Variants in TMEM30A observed in about 807,000 individuals in gnomAD.
The protein encoded by TMEM30A is cell division cycle 50 P4-ATPase accessory subunit A.
TMEM30A carries 24 observed loss-of-function variants against 38.2 expected under a neutral mutation model. The observed-to-expected ratio is 0.63, with a 90% CI of 0.46 to 0.88. The LOEUF is 0.88. Ranked by LOEUF, TMEM30A falls within the 40% of genes least tolerant of loss-of-function variation. TMEM30A has a pLI of 0.00. For missense variants in TMEM30A, 370 were observed against 458.6 expected, an observed-to-expected ratio of 0.81 and a Z score of 1.77; for synonymous variants, 145 against 161.6, an observed-to-expected ratio of 0.90 and a Z score of 0.78.
rs1416093096 is a variant in TMEM30A at position 75,284,574 on chromosome 6, G to A, written c.65C>T (p.Thr22Ile). ...GTTATCCGGTCTCCGAGTCTTCGCG[G>A]TGCCCCCCGGAGCACACGGGGGCCC... ...DGGPPCAPGG[T>I]AKTRRPDNTA... Residue 22 changes from threonine (T) to isoleucine (I), a missense_variant, in exon 1 of 7, where the codon ACC becomes ATC. Physicochemically the swap from Thr to Ile is moderately conservative, Grantham distance 89. Transcript: ENST00000230461. 14 of 1,613,284 alleles carry A rather than the reference G, an allele frequency of 8.7e-6. No homozygotes were observed. Among genetic ancestry groups the A allele is most frequent in the Non-Finnish European group, 1.1e-5 (13 of 1,179,706 alleles).
chr6:75,264,638 A>AAAAAT (rs1772034219), intron 3 of TMEM30A, among the ~76,000 whole-genome samples: 1 of 151,954 alleles, frequency 6.6e-6, no homozygotes, highest in African/African-American at 2.4e-5. Context: ...TCTGTCTCAA[A>AAAAAT]AAAATAAAAT....
rs1771835078 is a variant in TMEM30A, at chr6:75,254,414, G to C, written c.*1688C>G. ...GGACTGACAAAACAGACTATTTTTAGACAAAGAACACACCAAATACTCCGA... is the reference window on the plus strand; with the variant it reads ...GGACTGACAAAACAGACTATTTTTACACAAAGAACACACCAAATACTCCGA... On this transcript the variant is annotated 3_prime_UTR_variant, in exon 7 of 7. Transcript: ENST00000230461. 1 of 151,958 alleles carries C rather than the reference G, an allele frequency of 6.6e-6. No individual in the cohort carries two copies. Among genetic ancestry groups the C allele is most frequent in the Non-Finnish European group, 1.5e-5 (1 of 67,964 alleles). 9.4% of individuals were successfully genotyped at this position (151,958 alleles called of 1,614,324 possible). A position where few individuals can be genotyped will look rare whatever the true frequency, so the allele number is the denominator to read the frequency against.
At chr6:75,257,833 G>A (rs1771889300) in intron 6 of TMEM30A, among the ~76,000 whole-genome samples, 1 of 152,138 alleles carries the variant, frequency 6.6e-6, no homozygotes, top group Non-Finnish European at 1.5e-5. Context: ...GACTCATTTG[G>A]ATTATGGAAA....
chr6:75,283,714 A>G (rs1772400545), intron 1 of TMEM30A, among the ~76,000 whole-genome samples: 1 of 152,002 alleles, frequency 6.6e-6, no homozygotes, highest in Non-Finnish European at 1.5e-5. Flanking sequence ...AGGGCACATT[A>G]ATAAACGTAG....
At chr6:75,270,390 C>A (rs1025150635) in intron 1 of TMEM30A, among the ~76,000 whole-genome samples, 1 of 152,134 alleles carries the variant, frequency 6.6e-6, no homozygotes, top group African/African-American at 2.4e-5. Context: ...GAAGCTCTAT[C>A]CCCCAGTATG....
In TMEM30A at chr6:75,284,579, C is replaced by A. The variant is rs765134451; in HGVS notation, c.60G>T (p.Gly20=). Residue 20 remains glycine, a synonymous_variant, in exon 1 of 7, where the codon GGG becomes GGT. Transcript: ENST00000230461. ...EVDGGPPCAP[G]GTAKTRRPDN... ...CCGGTCTCCGAGTCTTCGCGGTGCC[C>A]CCCGGAGCACACGGGGGCCCACCGT... 6.2e-7 allele frequency: 1 copy of A among 1,613,556 alleles called. No homozygotes were observed. The highest frequency in any genetic ancestry group is 1.3e-5 in the African/African-American group (1 of 74,944).
At chr6:75,273,335 G>C (rs1294168699) in intron 1 of TMEM30A, among the ~76,000 whole-genome samples, 1 of 152,092 alleles carries the variant, frequency 6.6e-6, no homozygotes. Flanking sequence ...ATTTCTTTCT[G>C]ACTGCCCATC....
At chr6:75,263,977 C>A in intron 3 of TMEM30A, among the ~76,000 whole-genome samples, 1 of 152,204 alleles carries the variant, frequency 6.6e-6, no homozygotes, top group East Asian at 1.9e-4. Context: ...CTAAAAAACA[C>A]ATTCAGAAAG....
At chr6:75,261,969 G>T (rs1326325541) in intron 3 of TMEM30A, among the ~76,000 whole-genome samples, 1 of 152,198 alleles carries the variant, frequency 6.6e-6, no homozygotes, top group African/African-American at 2.4e-5. Flanking sequence ...AGTTTTAAAA[G>T]AAAGGAAAAT....
chr6:75,271,310 G>A (rs240400), intron 1 of TMEM30A, among the ~76,000 whole-genome samples: 134,345 of 152,124 alleles, frequency 0.88, 59,857 homozygotes, highest in Non-Finnish European at 0.95. Flanking sequence ...TTATGCTACA[G>A]TATAAAATAT....
At chr6:75,270,390 C>T (rs1025150635) in intron 1 of TMEM30A, among the ~76,000 whole-genome samples, 5 of 152,134 alleles carry the variant, frequency 3.3e-5, no homozygotes, top group African/African-American at 9.7e-5. Context: ...GAAGCTCTAT[C>T]CCCCAGTATG....
intron 6 of TMEM30A, among the ~76,000 whole-genome samples, chr6:75,257,331 G>C (rs1444196730): frequency 6.6e-6 from 1 of 152,086 alleles, no homozygotes; most frequent in Non-Finnish European, 1.5e-5. Context: ...ATGTTTTGCA[G>C]GTCCAAATTC....
rs36006521 is a variant in TMEM30A, at chr6:75,276,868, CT to C, written c.237+7533del. Among the ~76,000 whole-genome samples, 441 of 152,262 alleles carry C rather than the reference CT, an allele frequency of 2.9e-3. 1 individual carries two copies. Among genetic ancestry groups the C allele is most frequent in the Non-Finnish European group, 4.6e-3 (312 of 68,022 alleles). ...CCCTCTACTTCAGCCATATTGGCCT[CT>C]TTGTTGTTCCTCAAACACCTAACTA... On this transcript the variant is annotated intron_variant, in intron 1 of 6. Coordinates refer to ENST00000230461, the MANE Select transcript of TMEM30A (RefSeq NM_018247.4).
At chr6:75,267,256 ATTAT>A (rs1772085381) in intron 2 of TMEM30A, among the ~76,000 whole-genome samples, 2 of 152,174 alleles carry the variant, frequency 1.3e-5, no homozygotes, top group Non-Finnish European at 2.9e-5. Context: ...TAATGGGAGA[ATTAT>A]TTATTTTCTA....
intron 1 of TMEM30A, among the ~76,000 whole-genome samples, chr6:75,269,555 T>TA (rs1253845909): frequency 1.3e-5 from 2 of 152,250 alleles, no homozygotes; most frequent in Admixed American, 6.5e-5. Flanking sequence ...CTGAAGGACA[T>TA]CTTGGTTGCT....
chr6:75,270,388 A>G (rs1772145102), intron 1 of TMEM30A, among the ~76,000 whole-genome samples: 1 of 152,168 alleles, frequency 6.6e-6, no homozygotes, highest in African/African-American at 2.4e-5. Flanking sequence ...TTGAAGCTCT[A>G]TCCCCCAGTA....
chr6:75,256,270 T>C lies in TMEM30A; in HGVS notation c.918A>G (p.Gly306=), dbSNP rs1771865684. The C allele has an allele frequency of 6.2e-7, 1 of 1,613,342 alleles. No homozygotes were observed. The highest frequency in any genetic ancestry group is 1.1e-5 in the South Asian group (1 of 91,030). Residue 306 remains glycine, a synonymous_variant, in exon 7 of 7, where the codon GGA becomes GGG. Coordinates refer to ENST00000230461, the MANE Select transcript of TMEM30A (RefSeq NM_018247.4). The part of the protein sequence containing the change: ...TYNYPVHYFD[G]RKRMILSTIS... ...TAGTGCTCAAGATCATCCGTTTTCG[T>C]CCATCAAAATAATGTACAGGGTAAT...
chr6:75,284,753 G>T lies in TMEM30A; in HGVS notation c.-115C>A. The T allele has an allele frequency of 2.1e-6, 2 of 963,848 alleles. No individual in the cohort carries two copies. The highest frequency in any genetic ancestry group is 3.3e-6 in the Non-Finnish European group (2 of 615,198). The allele number at this position is 963,848 out of a possible 1,614,324, so 59.7% of individuals were successfully genotyped here. A position where few individuals can be genotyped will look rare whatever the true frequency, so the allele number is the denominator to read the frequency against. The stretch of plus-strand genomic sequence containing the variant: ...GCCGCCGCCGCCGCCGCAGCCACCA[G>T]CGCCACCGCCACAGCCACCTCCGCT... On this transcript the variant is annotated 5_prime_UTR_variant, in exon 1 of 7. The change creates a new upstream start codon in the 5' untranslated region. Transcript: ENST00000230461.
chr6:75,278,241 A>G (rs1772294468), intron 1 of TMEM30A, among the ~76,000 whole-genome samples: 1 of 152,204 alleles, frequency 6.6e-6, no homozygotes, highest in East Asian at 1.9e-4. Context: ...CTGATGACAT[A>G]CCATTTCACC....
Sources: allele counts gnomAD v4.1 joint callset (sites outside exome capture counted in the v4.1 genomes callset), GRCh38; gene constraint gnomAD v4.1.1; transcripts MANE v1.5; gene names NCBI Gene and HGNC (gene_info 2026-07-23, HGNC 2026-07-21).